The following MSTO1 variants were observed in gnomAD, a reference collection of about 807,000 sequenced individuals.
The protein encoded by MSTO1 is misato mitochondrial distribution and morphology regulator 1, also known as protein misato homolog 1.
A neutral mutation model predicts 55.7 loss-of-function variants in MSTO1; 24 were observed. The observed-to-expected ratio is 0.43, with a 90% CI of 0.31 to 0.61. The LOEUF is 0.61. Ranked by LOEUF, MSTO1 falls within the 20% of genes least tolerant of loss-of-function variation. The pLI is 0.09. For synonymous variants in MSTO1, 162 were observed against 252.8 expected (o/e 0.64, Z 3.41); for missense variants, 363 against 625.7 (o/e 0.58, Z 4.48).
chr1:155,578,698 G>A, the MSTO1 span, among the ~76,000 whole-genome samples: 2 of 150,822 alleles, frequency 1.3e-5, no homozygotes, highest in African/African-American at 4.9e-5. Context: ...TTTTAGTAGA[G>A]ATGGGGTTTC....
At chr1:155,563,516 A>G in the MSTO1 span, 118 of 455,416 alleles carry the variant, frequency 2.6e-4, no homozygotes, top group Admixed American at 2.7e-3. Flanking sequence ...GTTGTTGTTA[A>G]CCCTCCTCGG....
chr1:155,593,100 G>C, the MSTO1 span, among the ~76,000 whole-genome samples: 1 of 151,968 alleles, frequency 6.6e-6, no homozygotes, highest in Non-Finnish European at 1.5e-5. Context: ...TTTTAGTAGA[G>C]ACAGAGTTTC....
chr1:155,582,542 C>T, the MSTO1 span, among the ~76,000 whole-genome samples: 2 of 152,000 alleles, frequency 1.3e-5, no homozygotes, highest in African/African-American at 4.8e-5. Flanking sequence ...TCACTGCAGC[C>T]TCTGCCTCCC....
At chr1:155,606,855 G>A (rs746023548), upstream of MSTO1, among the ~76,000 whole-genome samples, 2 of 151,504 alleles carry the variant, frequency 1.3e-5, no homozygotes, top group Non-Finnish European at 2.9e-5. Context: ...TATTTTTTGA[G>A]ACAGAGTCTC....
chr1:155,600,266 G>A, the MSTO1 span, among the ~76,000 whole-genome samples: 2 of 152,232 alleles, frequency 1.3e-5, no homozygotes, highest in East Asian at 3.8e-4. Flanking sequence ...GACTCTTAAC[G>A]AGCATGCTGC....
chr1:155,590,917 C>A, the MSTO1 span: 6 of 1,613,186 alleles, frequency 3.7e-6, no homozygotes, highest in South Asian at 1.1e-5. Context: ...GAGCACCAGG[C>A]GGGCCTTGGA....
chr1:155,574,337 C>A, the MSTO1 span, among the ~76,000 whole-genome samples: 1 of 152,028 alleles, frequency 6.6e-6, no homozygotes, highest in East Asian at 1.9e-4. Flanking sequence ...CAGAGCAAGA[C>A]CTTGTCTCAA....
chr1:155,594,558 G>A, the MSTO1 span, among the ~76,000 whole-genome samples: 5 of 152,054 alleles, frequency 3.3e-5, no homozygotes, highest in African/African-American at 1.2e-4. Flanking sequence ...CAGTGGCCTT[G>A]TCATGCTGAG....
At chr1:155,593,328 A>C in the MSTO1 span, among the ~76,000 whole-genome samples, 1 of 152,240 alleles carries the variant, frequency 6.6e-6, no homozygotes, top group Non-Finnish European at 1.5e-5. Context: ...TCAGAGAAGG[A>C]GATACGAAAA....
chr1:155,602,357 T>G, the MSTO1 span, among the ~76,000 whole-genome samples: 1 of 152,154 alleles, frequency 6.6e-6, no homozygotes, highest in Non-Finnish European at 1.5e-5. Flanking sequence ...ATGCCTGTAA[T>G]CCCAGCTACT....
In MSTO1 at chr1:155,614,939, T is replaced by C. The variant is rs1440042381; in HGVS notation, c.*666T>C. The C allele has an allele frequency of 8.0e-6, 9 of 1,128,982 alleles. No individual in the cohort carries two copies. Among genetic ancestry groups the C allele is most frequent in the Non-Finnish European group, 1.1e-5 (8 of 761,738 alleles). 69.9% of individuals were successfully genotyped at this position (1,128,982 alleles called of 1,614,324 possible). ...GTTAACATTTATGAAGCACTATATA[T>C]TGATTTGCAAAATCTTTTGTTTATT... On this transcript the variant is annotated 3_prime_UTR_variant, in exon 14 of 14. Coordinates refer to ENST00000245564, the MANE Select transcript of MSTO1 (RefSeq NM_018116.4).
chr1:155,602,472 A>G, the MSTO1 span, among the ~76,000 whole-genome samples: 8 of 152,168 alleles, frequency 5.3e-5, no homozygotes, highest in East Asian at 1.6e-3. Flanking sequence ...GCGAAACTCC[A>G]TCTCAAAACA....
the MSTO1 span, among the ~76,000 whole-genome samples, chr1:155,595,372 G>A: frequency 4.6e-5 from 7 of 151,886 alleles, no homozygotes; most frequent in Non-Finnish European, 7.4e-5. Flanking sequence ...TGGAGACGGA[G>A]TTTCACTGCG....
chr1:155,589,662 C>T, the MSTO1 span, among the ~76,000 whole-genome samples: 1 of 151,960 alleles, frequency 6.6e-6, no homozygotes, highest in Non-Finnish European at 1.5e-5. Flanking sequence ...GTCCAAGGGT[C>T]CAAAAGCTGA....
chr1:155,565,295 C>CA, the MSTO1 span, among the ~76,000 whole-genome samples: 1,284 of 53,158 alleles, frequency 0.024, 15 homozygotes, highest in Middle Eastern at 0.078. Context: ...AACTCCTTCT[C>CA]AAAAAAAAAA....
At chr1:155,608,335 C>T (rs568895928), upstream of MSTO1, among the ~76,000 whole-genome samples, 26 of 152,080 alleles carry the variant, frequency 1.7e-4, no homozygotes, top group Admixed American at 7.2e-4. Flanking sequence ...TTGAAAAATT[C>T]TTTTATAGAG....
chr1:155,574,664 T>C, the MSTO1 span, among the ~76,000 whole-genome samples: 1 of 151,958 alleles, frequency 6.6e-6, no homozygotes, highest in Non-Finnish European at 1.5e-5. Context: ...GCTTCTTGAC[T>C]CAAGGGATCC....
chr1:155,608,664 G>T (rs779418590), upstream of MSTO1, among the ~76,000 whole-genome samples: 1 of 151,532 alleles, frequency 6.6e-6, no homozygotes, highest in Non-Finnish European at 1.5e-5. Context: ...CACCACGCCC[G>T]GCTAATTGTT....
At chr1:155,591,873 G>A in the MSTO1 span, among the ~76,000 whole-genome samples, 1 of 152,018 alleles carries the variant, frequency 6.6e-6, no homozygotes, top group Non-Finnish European at 1.5e-5. Context: ...GGAGGCTGAG[G>A]CAGGAGGATC....
Sources: allele counts gnomAD v4.1 joint callset (sites outside exome capture counted in the v4.1 genomes callset), GRCh38; gene constraint gnomAD v4.1.1; transcripts MANE v1.5; gene names NCBI Gene and HGNC (gene_info 2026-07-23, HGNC 2026-07-21).